LUZP2: variants seen among roughly 807,000 people sequenced by gnomAD.
LUZP2 encodes the protein leucine zipper protein 2.
LUZP2 carries 52 observed loss-of-function variants against 51.6 expected under a neutral mutation model. The ratio of observed to expected loss-of-function variants is 1.01; its 90% CI spans 0.81 to 1.27. LUZP2 has a LOEUF of 1.27. LUZP2 is among the 50% of genes most tolerant of loss of function. The pLI, the probability that LUZP2 is intolerant of heterozygous loss-of-function variation, is 0.00. For synonymous variants in LUZP2, 154 were observed against 137.3 expected, an observed-to-expected ratio of 1.12 and a Z score of -0.85; for missense variants, 436 against 395.4, an observed-to-expected ratio of 1.10 and a Z score of -0.87.
intron 5 of LUZP2, among the ~76,000 whole-genome samples, chr11:24,791,957 C>CT (rs34035344): frequency 0.86 from 124,918 of 144,672 alleles, 55,416 homozygotes; most frequent in Non-Finnish European, 0.96. Context: ...TAGTGAGAGT[C>CT]TTTTTTTTTT....
intron 5 of LUZP2, among the ~76,000 whole-genome samples, chr11:24,844,826 G>A (rs534829906): frequency 2.0e-5 from 3 of 152,336 alleles, no homozygotes; most frequent in African/African-American, 7.2e-5. Context: ...CTTCCATGTG[G>A]TGTTGAACCT....
chr11:24,542,221 T>C (rs989141563), intron 1 of LUZP2, among the ~76,000 whole-genome samples: 8 of 152,046 alleles, frequency 5.3e-5, no homozygotes, highest in Non-Finnish European at 7.4e-5. Context: ...ACTACAGTAT[T>C]ACTATCCTCA....
intron 1 of LUZP2, among the ~76,000 whole-genome samples, chr11:24,507,051 C>A (rs1391598060): frequency 1.3e-5 from 2 of 152,012 alleles, no homozygotes; most frequent in African/African-American, 4.8e-5. Context: ...GTTTGAAAAT[C>A]AGCCAAATAA....
chr11:24,738,373 C>T (rs901632426), intron 4 of LUZP2, 71 bp downstream of exon 4: 1 of 1,041,688 alleles, frequency 9.6e-7, no homozygotes, highest in Non-Finnish European at 1.5e-6. Flanking sequence ...TCCAAAATCA[C>T]TATGGAACAA....
At chr11:24,798,520 TAAC>T in intron 5 of LUZP2, among the ~76,000 whole-genome samples, 1 of 152,290 alleles carries the variant, frequency 6.6e-6, no homozygotes, top group East Asian at 1.9e-4. Flanking sequence ...TTTGAAAAAC[TAAC>T]AATATATTTG....
intron 5 of LUZP2, among the ~76,000 whole-genome samples, chr11:24,856,716 A>G (rs1052655174): frequency 4.6e-5 from 7 of 152,118 alleles, no homozygotes; most frequent in Admixed American, 2.6e-4. Flanking sequence ...AAAATGTGTT[A>G]TGTACACACA....
chr11:24,724,865 C>G (rs142151246), intron 1 of LUZP2, among the ~76,000 whole-genome samples: 39 of 152,060 alleles, frequency 2.6e-4, no homozygotes, highest in Admixed American at 5.2e-4. Flanking sequence ...TTAAAGATGA[C>G]TAGCAATATC....
intron 1 of LUZP2, among the ~76,000 whole-genome samples, chr11:24,580,895 G>T (rs1852829318): frequency 6.6e-6 from 1 of 151,890 alleles, no homozygotes; most frequent in African/African-American, 2.4e-5. Context: ...TATAAAAATA[G>T]TTTTATCTCT....
At chr11:24,521,111 G>A (rs1590131686) in intron 1 of LUZP2, among the ~76,000 whole-genome samples, 1 of 152,210 alleles carries the variant, frequency 6.6e-6, no homozygotes, top group Non-Finnish European at 1.5e-5. Context: ...AGCACTTTGG[G>A]AGGCCAAGGT....
At chr11:24,839,369 T>G (rs1181530494) in intron 5 of LUZP2, among the ~76,000 whole-genome samples, 1 of 151,720 alleles carries the variant, frequency 6.6e-6, no homozygotes, top group African/African-American at 2.4e-5. Context: ...GTTCTATTTT[T>G]TAAATCATTT....
At chr11:24,769,524 T>C (rs1009255723) in intron 5 of LUZP2, among the ~76,000 whole-genome samples, 2 of 151,612 alleles carry the variant, frequency 1.3e-5, no homozygotes, top group Non-Finnish European at 2.9e-5. Context: ...TATGTGTCGA[T>C]TAAAACCTAA....
intron 1 of LUZP2, among the ~76,000 whole-genome samples, chr11:24,566,891 TATTTATATATG>T (rs1852252899): frequency 1.0e-5 from 1 of 98,916 alleles, no homozygotes; most frequent in Non-Finnish European, 2.0e-5. Flanking sequence ...CATATATACA[TATTTATATATG>T]TTATATATAT....
At chr11:24,541,114 G>T (rs533751464) in intron 1 of LUZP2, among the ~76,000 whole-genome samples, 2 of 151,724 alleles carry the variant, frequency 1.3e-5, no homozygotes, top group Non-Finnish European at 2.9e-5. Flanking sequence ...TTAGCCGGGC[G>T]TGGTGGTGGG....
chr11:24,927,022 A>T (rs950147160), intron 7 of LUZP2, among the ~76,000 whole-genome samples: 2 of 150,834 alleles, frequency 1.3e-5, no homozygotes, highest in Non-Finnish European at 3.0e-5. Flanking sequence ...ATTTTCTTAT[A>T]TGTTTGTTGG....
At chr11:24,529,126 G>A (rs527385140) in intron 1 of LUZP2, among the ~76,000 whole-genome samples, 106 of 150,986 alleles carry the variant, frequency 7.0e-4, no homozygotes, top group African/African-American at 2.5e-3. Flanking sequence ...CAGTTTATAA[G>A]TGTGTATTTG....
intron 1 of LUZP2, among the ~76,000 whole-genome samples, chr11:24,629,957 A>G (rs1854821900): frequency 6.6e-6 from 1 of 151,802 alleles, no homozygotes; most frequent in South Asian, 2.1e-4. Context: ...GATGTTAAGT[A>G]TGTTTTCATA....
intron 5 of LUZP2, among the ~76,000 whole-genome samples, chr11:24,842,549 A>G (rs2134203231): frequency 6.6e-6 from 1 of 152,044 alleles, no homozygotes; most frequent in Admixed American, 6.6e-5. Context: ...CAATTATACA[A>G]TACACCCTTT....
At chr11:24,970,970 A>G (rs182733179) in intron 7 of LUZP2, among the ~76,000 whole-genome samples, 75 of 152,336 alleles carry the variant, frequency 4.9e-4, no homozygotes, top group Non-Finnish European at 9.0e-4. Context: ...GCAGCCATAT[A>G]AAGAATGAAA....
chr11:24,739,970 G>A (rs1312408155), intron 4 of LUZP2, among the ~76,000 whole-genome samples: 2 of 152,054 alleles, frequency 1.3e-5, no homozygotes, highest in Non-Finnish European at 2.9e-5. Flanking sequence ...CATATTTTTA[G>A]TATCAGCTTG....
Sources: gnomAD v4.1 joint callset for allele counts (sites outside exome capture counted in the v4.1 genomes callset) on GRCh38, gnomAD v4.1.1 for gene constraint, MANE v1.5 for transcripts, NCBI Gene and HGNC (gene_info 2026-07-23, HGNC 2026-07-21) for gene names.